Variants in GPC5 observed in about 807,000 individuals in gnomAD.
The protein encoded by GPC5 is glypican 5.
Under a neutral mutation model 53.9 loss-of-function variants are expected in GPC5, and 47 were observed. That is an observed-to-expected ratio of 0.87 (90% CI 0.69 to 1.11). The LOEUF is 1.11. Among genes scored for constraint, GPC5 ranks in the 50% most tolerant of loss-of-function variants. The pLI, the probability that GPC5 is intolerant of heterozygous loss-of-function variation, is 0.00. For synonymous variants in GPC5, 286 were observed against 263.3 expected (o/e 1.09, Z -0.84); for missense variants, 748 against 713.1 (o/e 1.05, Z -0.56).
intron 6 of GPC5, among the ~76,000 whole-genome samples, chr13:91,983,612 T>C (rs938302580): frequency 1.3e-5 from 2 of 152,112 alleles, no homozygotes; most frequent in African/African-American, 2.4e-5. Flanking sequence ...AATAGAATTC[T>C]CTCCAGACAC....
At chr13:91,767,304 G>T (rs549916888) in intron 5 of GPC5, among the ~76,000 whole-genome samples, 1 of 152,324 alleles carries the variant, frequency 6.6e-6, no homozygotes, top group Admixed American at 6.5e-5. Flanking sequence ...ACTGGAGAGT[G>T]ATAGTCACTT....
intron 5 of GPC5, among the ~76,000 whole-genome samples, chr13:91,766,340 A>G (rs566328681): frequency 3.9e-5 from 6 of 152,262 alleles, no homozygotes; most frequent in Admixed American, 2.0e-4. Flanking sequence ...CCTTCTCACT[A>G]TTCTCTTTCA....
chr13:92,735,401 T>C (rs752258048), intron 7 of GPC5, among the ~76,000 whole-genome samples: 15 of 151,968 alleles, frequency 9.9e-5, no homozygotes, highest in Non-Finnish European at 1.8e-4. Flanking sequence ...GAACAGAGCA[T>C]GGCCTATAGC....
In GPC5 at chr13:92,810,775, C is replaced by G. The variant is rs180938807; in HGVS notation, c.1562-55507C>G. On this transcript the variant is annotated intron_variant, in intron 7 of 7. Transcript: ENST00000377067. Reference sequence around the variant, plus strand: ...TCACCTTGTTGCCCAGGCTGGAATACAGTGGTGTGATCTCAGCTCACTGCA... The same window carrying G: ...TCACCTTGTTGCCCAGGCTGGAATAGAGTGGTGTGATCTCAGCTCACTGCA... Among the ~76,000 whole-genome samples, 220 of 152,120 alleles carry G rather than the reference C, an allele frequency of 1.4e-3. 3 individuals carry two copies. The highest frequency in any genetic ancestry group is 5.1e-3 in the African/African-American group (211 of 41,390).
intron 1 of GPC5, among the ~76,000 whole-genome samples, chr13:91,435,671 A>G (rs889315912): frequency 6.6e-5 from 10 of 152,194 alleles, no homozygotes; most frequent in South Asian, 2.1e-4. Context: ...GTCTCTGCCA[A>G]GCTTTGGTAT....
At chr13:92,525,278 C>T (rs1047639335) in intron 7 of GPC5, among the ~76,000 whole-genome samples, 5 of 152,084 alleles carry the variant, frequency 3.3e-5, no homozygotes, top group African/African-American at 9.6e-5. Context: ...AGAGATTTTG[C>T]GCTGTTTATC....
rs73602332 is a variant in GPC5, at chr13:91,487,781, A to G, written c.325+38859A>G. Among the ~76,000 whole-genome samples the G allele has an allele frequency of 2.9e-3, 438 of 152,336 alleles. 2 individuals are homozygous for G. The highest frequency in any genetic ancestry group is 0.01 in the African/African-American group (420 of 41,576). Reference sequence around the variant, plus strand: ...TTTATGTCAGATAAAGCTTGTCTTTAGGATTCCTTCAGGCCCCATTTTCGG... The same window carrying G: ...TTTATGTCAGATAAAGCTTGTCTTTGGGATTCCTTCAGGCCCCATTTTCGG... On this transcript the variant is annotated intron_variant, in intron 2 of 7. Transcript: ENST00000377067.
intron 7 of GPC5, among the ~76,000 whole-genome samples, chr13:92,675,412 GA>G (rs1394823599): frequency 6.6e-6 from 1 of 151,988 alleles, no homozygotes; most frequent in South Asian, 2.1e-4. Context: ...TCTGTTAACT[GA>G]AATGATTTTT....
intron 7 of GPC5, among the ~76,000 whole-genome samples, chr13:92,313,742 C>G (rs1443709476): frequency 6.6e-6 from 1 of 152,170 alleles, no homozygotes; most frequent in Non-Finnish European, 1.5e-5. Context: ...GACTACTCCT[C>G]CTCCAGAATT....
At chr13:91,556,576 C>T (rs1156857288) in intron 2 of GPC5, among the ~76,000 whole-genome samples, 1 of 150,986 alleles carries the variant, frequency 6.6e-6, no homozygotes, top group African/African-American at 2.4e-5. Flanking sequence ...TATATACACA[C>T]ACACAGACAC....
intron 7 of GPC5, among the ~76,000 whole-genome samples, chr13:92,790,529 A>C (rs2138773874): frequency 6.6e-6 from 1 of 152,290 alleles, no homozygotes; most frequent in South Asian, 2.1e-4. Context: ...ATAAAAAGAA[A>C]ATTAAGTGTG....
intron 6 of GPC5, among the ~76,000 whole-genome samples, chr13:92,030,951 C>T (rs116422348): frequency 8.5e-5 from 13 of 152,228 alleles, no homozygotes; most frequent in African/African-American, 2.9e-4. Context: ...CTGTCCTGGC[C>T]GTGTGACAAG....
chr13:91,915,323 T>C (rs2039647698), intron 6 of GPC5, among the ~76,000 whole-genome samples: 1 of 152,170 alleles, frequency 6.6e-6, no homozygotes, highest in African/African-American at 2.4e-5. Flanking sequence ...TATAATGCAC[T>C]GACTTCACTA....
At chr13:91,816,812 C>CT (rs758301213) in intron 5 of GPC5, among the ~76,000 whole-genome samples, 1 of 152,236 alleles carries the variant, frequency 6.6e-6, no homozygotes, top group East Asian at 1.9e-4. Context: ...GTGGATTAGA[C>CT]TTGAGGTTAG....
chr13:91,572,102 TATACACAC>T (rs1184542157), intron 2 of GPC5, among the ~76,000 whole-genome samples: 1 of 130,318 alleles, frequency 7.7e-6, no homozygotes, highest in Non-Finnish European at 1.8e-5. Flanking sequence ...TGTGTGTGTA[TATACACAC>T]ATGTATATAT....
At chr13:92,544,835 T>C (rs2139006809) in intron 7 of GPC5, among the ~76,000 whole-genome samples, 1 of 152,216 alleles carries the variant, frequency 6.6e-6, no homozygotes, top group African/African-American at 2.4e-5. Context: ...TGTTTTAGGA[T>C]CATCTATTCC....
chr13:92,234,422 T>C (rs2042554574), intron 7 of GPC5, among the ~76,000 whole-genome samples: 1 of 152,222 alleles, frequency 6.6e-6, no homozygotes, highest in Non-Finnish European at 1.5e-5. Flanking sequence ...ATGATGGGCA[T>C]TTTTTAATGT....
At chr13:92,207,485 A>G (rs1209888484) in intron 7 of GPC5, among the ~76,000 whole-genome samples, 6 of 152,184 alleles carry the variant, frequency 3.9e-5, no homozygotes, top group Non-Finnish European at 8.8e-5. Flanking sequence ...CTAGTCCTAC[A>G]CTATCTGCTT....
chr13:91,936,027 C>T (rs1260291014), intron 6 of GPC5, among the ~76,000 whole-genome samples: 3 of 151,962 alleles, frequency 2.0e-5, no homozygotes, highest in Admixed American at 6.6e-5. Flanking sequence ...AAGCTTCCTC[C>T]CTGTTTCCCA....
Sources: allele counts gnomAD v4.1 joint callset (sites outside exome capture counted in the v4.1 genomes callset), GRCh38; gene constraint gnomAD v4.1.1; transcripts MANE v1.5; gene names NCBI Gene and HGNC (gene_info 2026-07-23, HGNC 2026-07-21).